RIPOR3: variants seen among roughly 807,000 people sequenced by gnomAD.
RIPOR3 encodes family with sequence similarity 65 member C.
RIPOR3 carries 95 observed loss-of-function variants against 114.3 expected under a neutral mutation model. The ratio of observed to expected loss-of-function variants is 0.83; its 90% confidence interval spans 0.70 to 0.99. The LOEUF (loss-of-function observed/expected upper bound fraction) is 0.99, where lower values mean the gene tolerates loss of function less well. Among genes scored for constraint, RIPOR3 ranks in the 50% least tolerant of loss-of-function variants. RIPOR3 has a pLI of 0.00. For synonymous variants in RIPOR3, 575 were observed against 543.8 expected (o/e 1.06, Z -0.80); for missense variants, 1,252 against 1,266.9 (o/e 0.99, Z 0.18).
chr20:50,620,471 AC>A (rs1037313386), intron 2 of RIPOR3, among the ~76,000 whole-genome samples: 93 of 152,214 alleles, frequency 6.1e-4, no homozygotes, highest in African/African-American at 2.2e-3. Context: ...TACTAAAAAT[AC>A]AAAAATTAGC....
intron 1 of RIPOR3, among the ~76,000 whole-genome samples, chr20:50,682,878 C>T (rs928029043): frequency 3.9e-5 from 6 of 151,908 alleles, no homozygotes; most frequent in African/African-American, 1.5e-4. Flanking sequence ...CAGGCATGCA[C>T]CACCACACCT....
chr20:50,684,302 C>T lies in RIPOR3; in HGVS notation c.3+6824G>A, dbSNP rs193150157. On this transcript the variant is annotated intron_variant, in intron 1 of 21. Transcript: ENST00000327979. The stretch of plus-strand genomic sequence containing the variant: ...AAGGTGATGTTTGTGTAAAGACCTG[C>T]GCGATATGAACAAGTGGGCCACTTG... Among the ~76,000 whole-genome samples the T allele has an allele frequency of 7.0e-4, 107 of 152,256 alleles. 1 individual carries two copies. The highest frequency in any genetic ancestry group is 6.8e-3 in the Middle Eastern group (2 of 294).
At chr20:50,666,284 G>GCGCAATCTCGGCTCAC (rs561243172) in intron 1 of RIPOR3, among the ~76,000 whole-genome samples, 1,488 of 140,016 alleles carry the variant, frequency 0.011, 25 homozygotes, top group African/African-American at 0.037. Flanking sequence ...GAGTGCAGTG[G>GCGCAATCTCGGCTCAC]CGCAATCTCG....
Position 50,616,061 on chromosome 20 carries a change from G to C in RIPOR3, c.289C>G (p.Gln97Glu), listed in dbSNP as rs749471929. 5.6e-6 allele frequency: 9 copies of C among 1,611,976 alleles called. No individual in the cohort carries two copies. The highest frequency in any genetic ancestry group is 7.6e-6 in the Non-Finnish European group (9 of 1,179,160). The change falls in exon 4 of 22, where the codon CAG (glutamine) becomes GAG (glutamate). Residue 97 changes from glutamine (Q) to glutamate (E), a missense_variant. Gln to Glu is a conservative substitution (Grantham distance 29, BLOSUM62 2). Coordinates refer to ENST00000327979, the MANE Select transcript of RIPOR3 (RefSeq NM_001290268.2). ...CCAGACAGGTGGTCCAGCTCAGCCT[G>C]CTGCACACACAGATACTCCCTGCAA... ...RGLKEYLCVQQAELDHLSGRH... is the reference protein window; with the variant it reads ...RGLKEYLCVQEAELDHLSGRH...
chr20:50,611,194 TA>T lies in RIPOR3; in HGVS notation c.358del (p.Tyr120MetfsTer93), dbSNP rs762897216. The T allele has an allele frequency of 6.2e-7, 1 of 1,614,140 alleles. No individual in the cohort carries two copies. The highest frequency in any genetic ancestry group is 8.5e-7 in the Non-Finnish European group (1 of 1,180,026). On this transcript the variant is annotated frameshift_variant, in exon 5 of 22. Transcript: ENST00000327979. LOFTEE classifies it high-confidence loss of function. ...TRRNSRLAFY[Y>X]DLDKQTRCVE... ...ATGCAGACTCACCTTGTCCAGGTCA[TA>T]ATAGAAAGCCTGTGAGGGAGGAAAG...
chr20:50,591,354 A>G (rs527809788), intron 19 of RIPOR3, among the ~76,000 whole-genome samples: 2 of 152,348 alleles, frequency 1.3e-5, no homozygotes, highest in South Asian at 4.1e-4. Flanking sequence ...TTAAGGTCAA[A>G]TAGGATGCCT....
chr20:50,621,856 C>A (rs1275457115), intron 2 of RIPOR3, among the ~76,000 whole-genome samples: 1 of 152,174 alleles, frequency 6.6e-6, no homozygotes, highest in Admixed American at 6.5e-5. Flanking sequence ...ATCCTAAAAA[C>A]TGCCTTTCAG....
At chr20:50,636,827 C>G (rs560007974) in intron 1 of RIPOR3, 11 of 985,368 alleles carry the variant, frequency 1.1e-5, no homozygotes, top group Admixed American at 1.2e-4. Context: ...TCCTCCCCAC[C>G]GCCAGCCAGA....
rs61225138 is a variant in RIPOR3 at position 50,644,676 on chromosome 20, C to CT, written c.4-13821dup. Among the ~76,000 whole-genome samples the CT allele has an allele frequency of 5.3e-3, 395 of 74,578 alleles. 23 individuals are homozygous for CT. Among genetic ancestry groups the CT allele is most frequent in the Admixed American group, 0.026 (142 of 5,536 alleles). 48.9% of individuals were successfully genotyped at this position (74,578 alleles called of 152,430 possible). ...TTTCTGTTTTGTTTTTTTTTGTTTG[C>CT]TTTTTTTTTTTTTTTTTTTTTTTTT... On this transcript the variant is annotated intron_variant, in intron 1 of 21. Coordinates refer to ENST00000327979, the MANE Select transcript of RIPOR3 (RefSeq NM_001290268.2).
chr20:50,590,340 G>A (rs1471323375), intron 19 of RIPOR3, among the ~76,000 whole-genome samples: 3 of 152,238 alleles, frequency 2.0e-5, no homozygotes, highest in Non-Finnish European at 4.4e-5. Context: ...TTGTCAGAAA[G>A]CACACAGGGT....
intron 1 of RIPOR3, among the ~76,000 whole-genome samples, chr20:50,672,356 T>C (rs1190375189): frequency 6.6e-6 from 1 of 152,164 alleles, no homozygotes; most frequent in African/African-American, 2.4e-5. Context: ...GGCCCCCTGC[T>C]GAGCTCAGTA....
chr20:50,675,816 C>A (rs1285781130), intron 1 of RIPOR3, among the ~76,000 whole-genome samples: 2 of 152,224 alleles, frequency 1.3e-5, no homozygotes, highest in Admixed American at 6.6e-5. Flanking sequence ...AGGGCAGCAG[C>A]TGTCCAGCAA....
rs1259195861 is a variant in RIPOR3, at chr20:50,596,181, G to A, written c.1873C>T (p.Leu625=). ...CAGACTTGGAGGTGTACCATCAGCA[G>A]CACGTCCAGCTCTGGGGCACCGGCT... ...LTAGAPELDV[L]LMVHLQVCKA... Residue 625 remains leucine (L), a synonymous_variant, in exon 15 of 22, where the codon CTG becomes TTG. Transcript: ENST00000327979. 1 of 1,614,194 alleles carries A rather than the reference G, an allele frequency of 6.2e-7. No homozygotes were observed.
rs369257375 is a variant in RIPOR3 at position 50,587,180 on chromosome 20, G to A, written c.*52C>T. 1.0e-4 allele frequency: 145 copies of A among 1,405,188 alleles called. No individual in the cohort carries two copies. The African/African-American group carries it at 1.9e-3, about 18-fold the overall frequency. 87.0% of individuals were successfully genotyped at this position (1,405,188 alleles called of 1,614,324 possible). ...CCAGAGTGCAGGCTATGTCCAGGCT[G>A]GGCAGCAGCAAAAAAAACGATGTGA... On this transcript the variant is annotated 3_prime_UTR_variant, in exon 22 of 22. Coordinates refer to ENST00000327979, the MANE Select transcript of RIPOR3 (RefSeq NM_001290268.2).
rs547292105 is a variant in RIPOR3 at position 50,621,004 on chromosome 20, C to A, written c.123-872G>T. On this transcript the variant is annotated intron_variant, in intron 2 of 21. Coordinates refer to ENST00000327979, the MANE Select transcript of RIPOR3 (RefSeq NM_001290268.2). ...AGGAAAGGGTGGGGACACACATCCACGCCAAGAGGAAGCAGGAGGAGCCGA... is the reference window on the plus strand; with the variant it reads ...AGGAAAGGGTGGGGACACACATCCAAGCCAAGAGGAAGCAGGAGGAGCCGA... 71 of 505,890 alleles carry A rather than the reference C, an allele frequency of 1.4e-4. No individual in the cohort carries two copies. In the East Asian group the frequency reaches 3.1e-3, roughly 22 times the overall value. The allele number at this position is 505,890 out of a possible 1,614,324, so 31.3% of individuals were successfully genotyped here. A position where few individuals can be genotyped will look rare whatever the true frequency, so the allele number is the denominator to read the frequency against.
rs908752791 is a variant in RIPOR3 at position 50,602,818 on chromosome 20, T to C, written c.1087-174A>G. ...TGCAGAAAAAACCCTGTCCCCTCTC[T>C]GCACTTATCCCCCATCCCGCCTCCA... is the stretch of plus-strand genomic sequence containing the variant. On this transcript the variant is annotated intron_variant, in intron 12 of 21. Coordinates refer to ENST00000327979, the MANE Select transcript of RIPOR3 (RefSeq NM_001290268.2). The surrounding 1 kb of genome is among the most constrained non-coding windows in gnomAD (Gnocchi z 4.3). Among the ~76,000 whole-genome samples, 10 of 152,194 alleles carry C rather than the reference T, an allele frequency of 6.6e-5. No individual in the cohort carries two copies. Among genetic ancestry groups the C allele is most frequent in the Non-Finnish European group, 8.8e-5 (6 of 68,022 alleles).
At position 50,586,261 on chromosome 20, in the gene RIPOR3, T is replaced by C. The variant is rs1447384224; in HGVS notation, c.*971A>G. On this transcript the variant is annotated 3_prime_UTR_variant, in exon 22 of 22. Coordinates refer to ENST00000327979, the MANE Select transcript of RIPOR3 (RefSeq NM_001290268.2). ...TCAAGTTAAAGTTCTCCAATGCCATTGCTACAGCAACCTCAAACCCTAGGT... is the reference window on the plus strand; with the variant it reads ...TCAAGTTAAAGTTCTCCAATGCCATCGCTACAGCAACCTCAAACCCTAGGT... 6.5e-6 allele frequency: 1 copy of C among 153,786 alleles called. No individual in the cohort carries two copies. Among genetic ancestry groups the C allele is most frequent in the Non-Finnish European group, 1.4e-5 (1 of 69,014 alleles). 9.5% of individuals were successfully genotyped at this position (153,786 alleles called of 1,614,324 possible).
At position 50,593,141 on chromosome 20, in the gene RIPOR3, A is replaced by C. The variant is rs1424830865; in HGVS notation, c.2268T>G (p.Ala756=). Residue 756 remains alanine (A), a synonymous_variant, in exon 18 of 22, where the codon GCT becomes GCG. Transcript: ENST00000327979. ...TAATGATCTGTTCTTCTGGGAGCCC[A>C]GCTCCGGGGAGCAGCCCACCACAGC... ...VVSCGGLLPG[A]GLPEEQIITW... The C allele has an allele frequency of 2.5e-6, 4 of 1,613,722 alleles. No individual in the cohort carries two copies. Among genetic ancestry groups the C allele is most frequent in the Non-Finnish European group, 3.4e-6 (4 of 1,180,028 alleles).
chr20:50,639,989 C>T (rs2085129960), intron 1 of RIPOR3, among the ~76,000 whole-genome samples: 2 of 151,210 alleles, frequency 1.3e-5, no homozygotes, highest in Non-Finnish European at 2.9e-5. Flanking sequence ...AAAGGCATCT[C>T]TTCGGACCTG....
Sources: allele counts gnomAD v4.1 joint callset (sites outside exome capture counted in the v4.1 genomes callset), GRCh38; gene constraint gnomAD v4.1.1; non-coding constraint Gnocchi (gnomAD v3.1); transcripts MANE v1.5; gene names NCBI Gene and HGNC (gene_info 2026-07-23, HGNC 2026-07-21).